Variants in CSMD2 observed in about 807,000 individuals in gnomAD.
The protein encoded by CSMD2 is CUB and sushi domain-containing protein 2.
Under a neutral mutation model 398.5 loss-of-function variants are expected in CSMD2, and 130 were observed. The observed-to-expected ratio is 0.33, with a 90% CI of 0.28 to 0.38. CSMD2 has a LOEUF of 0.38. Ranked by LOEUF, CSMD2 falls within the 10% of genes least tolerant of loss-of-function variation. The probability of loss-of-function intolerance (pLI) is 1.00; values close to 1 mark genes in which losing one functional copy is unlikely to be tolerated. For missense variants in CSMD2, 3,829 were observed against 4,764.9 expected, an observed-to-expected ratio of 0.80 and a Z score of 5.78; for synonymous variants, 1,828 against 1,908.5, an observed-to-expected ratio of 0.96 and a Z score of 1.10.
chr1:34,003,851 G>A (rs533720665), intron 3 of CSMD2, among the ~76,000 whole-genome samples: 31 of 152,336 alleles, frequency 2.0e-4, no homozygotes, highest in African/African-American at 7.2e-4. Flanking sequence ...GATGGAAGAA[G>A]TCTTGGTCCG....
chr1:33,559,277 T>C lies in CSMD2; in HGVS notation c.8554+23A>G, dbSNP rs1173282565. On this transcript the variant is annotated intron_variant, in intron 54 of 70. Transcript: ENST00000373381. The surrounding 1 kb of genome is among the most constrained non-coding windows in gnomAD (Gnocchi z 4.0). ...TATAGCAGAGATGGTGGGGACTGGA[T>C]TGGGAGAGAAAGGGTGACTCACTTC... 1.3e-6 allele frequency: 2 copies of C among 1,532,552 alleles called. No homozygotes were observed. Among genetic ancestry groups the C allele is most frequent in the East Asian group, 4.9e-5 (2 of 40,902 alleles). The allele number at this position is 1,532,552 out of a possible 1,614,324, so 94.9% of individuals were successfully genotyped here.
At position 34,108,275 on chromosome 1, in the gene CSMD2, G is replaced by C. The variant is rs1028874082; in HGVS notation, c.188-19082C>G. Among the ~76,000 whole-genome samples the C allele has an allele frequency of 2.9e-3, 152 of 52,848 alleles. 1 individual carries two copies. The highest frequency in any genetic ancestry group is 4.8e-3 in the Admixed American group (14 of 2,900). 34.7% of individuals were successfully genotyped at this position (52,848 alleles called of 152,430 possible). On this transcript the variant is annotated intron_variant, in intron 1 of 70. Transcript: ENST00000373381. ...GAAAAAGAAAACAAAACCCTAATGA[G>C]AGAGAGAGAAAAAAAAACCCAAAAC...
chr1:34,036,511 G>A (rs1357975893), intron 2 of CSMD2, among the ~76,000 whole-genome samples: 1 of 152,168 alleles, frequency 6.6e-6, no homozygotes, highest in Non-Finnish European at 1.5e-5. Context: ...TAGAGATTAG[G>A]AATCGTAAGA....
At chr1:34,069,120 C>A (rs1655434545) in intron 2 of CSMD2, among the ~76,000 whole-genome samples, 1 of 152,140 alleles carries the variant, frequency 6.6e-6, no homozygotes, top group Admixed American at 6.5e-5. Context: ...CATCTTGCAC[C>A]CCCCAGGGCC....
intron 2 of CSMD2, among the ~76,000 whole-genome samples, chr1:34,050,713 C>T (rs1186945014): frequency 6.6e-6 from 1 of 152,224 alleles, no homozygotes; most frequent in African/African-American, 2.4e-5. Context: ...AGTAGCTCCA[C>T]TTACTATTAC....
rs771928190 is a variant in CSMD2, at chr1:33,586,580, G to C, written c.6975C>G (p.Thr2325=). The stretch of plus-strand genomic sequence containing the variant: ...AGGTCAGAATTTCATTCCCCACTAA[G>C]GTAAAGCCAGGGAGGCATCTGTAGC... ...IVRYRCLPGF[T]LVGNEILTCK... The change falls in exon 46 of 71, where the codon ACC becomes ACG. Residue 2325 remains threonine, a synonymous_variant. Coordinates refer to ENST00000373381, the MANE Select transcript of CSMD2 (RefSeq NM_001281956.2). 6 of 1,613,680 alleles carry C rather than the reference G, an allele frequency of 3.7e-6. No homozygotes were observed. The East Asian group carries it at 1.3e-4, about 36-fold the overall frequency.
chr1:33,637,682 T>C (rs1222778150), intron 29 of CSMD2, among the ~76,000 whole-genome samples: 1 of 152,198 alleles, frequency 6.6e-6, no homozygotes, highest in Non-Finnish European at 1.5e-5. Context: ...ACCAGGGAGA[T>C]GCAACTGAGT....
chr1:33,689,049 A>T (rs1557733903), intron 25 of CSMD2, among the ~76,000 whole-genome samples: 1 of 146,386 alleles, frequency 6.8e-6, no homozygotes. Context: ...GGAGGGAAGG[A>T]GAGGAAGAGA....
At chr1:33,890,891 T>C (rs570796598) in intron 5 of CSMD2, among the ~76,000 whole-genome samples, 2 of 152,228 alleles carry the variant, frequency 1.3e-5, no homozygotes, top group Admixed American at 6.5e-5. Context: ...ATACAAAAAT[T>C]AATTCAAGAT....
At chr1:33,936,088 G>A (rs1322998501) in intron 3 of CSMD2, 134 bp from the exon 4 acceptor site, 2 of 674,430 alleles carry the variant, frequency 3.0e-6, no homozygotes, top group African/African-American at 1.8e-5. Flanking sequence ...GAACAGCATT[G>A]CCCACTGCTG....
intron 1 of CSMD2, among the ~76,000 whole-genome samples, chr1:34,095,723 C>T (rs1253654313): frequency 6.6e-6 from 1 of 151,396 alleles, no homozygotes; most frequent in Non-Finnish European, 1.5e-5. Context: ...GAAGTTGAAT[C>T]TCTGAATAGA....
chr1:34,007,930 G>C (rs1272756226), intron 3 of CSMD2, among the ~76,000 whole-genome samples: 1 of 152,082 alleles, frequency 6.6e-6, no homozygotes, highest in African/African-American at 2.4e-5. Flanking sequence ...GTAAAAGCAA[G>C]ACATGTGGTC....
At position 33,935,715 on chromosome 1, in the gene CSMD2, C is replaced by T. The variant is rs1223512780; in HGVS notation, c.712+45G>A. On this transcript the variant is annotated intron_variant, in intron 4 of 70. Transcript: ENST00000373381. ...GTCACTGGAAGCTCCAGCATCACCT[C>T]CCAGCCACTGCCCCACTCTGTCAGA... The T allele has an allele frequency of 1.9e-6, 3 of 1,538,956 alleles. No homozygotes were observed. In the East Asian group the frequency reaches 6.8e-5, roughly 35 times the overall value.
At chr1:33,772,374 C>T in intron 13 of CSMD2, 195 bp downstream of exon 13, 1 of 543,116 alleles carries the variant, frequency 1.8e-6, no homozygotes, top group Non-Finnish European at 3.3e-6. Context: ...CACTTGTTCT[C>T]AGTGCTACAG....
chr1:34,133,035 A>G (rs77297182), intron 1 of CSMD2, among the ~76,000 whole-genome samples: 1 of 151,170 alleles, frequency 6.6e-6, no homozygotes, highest in Admixed American at 6.6e-5. Flanking sequence ...TAATTCATTC[A>G]ATCACCAAAC....
chr1:33,601,193 T>C (rs1017713342), intron 43 of CSMD2, among the ~76,000 whole-genome samples, 183 bp from the exon 44 acceptor site: 7 of 148,726 alleles, frequency 4.7e-5, no homozygotes, highest in African/African-American at 1.6e-4. Context: ...TCTCCCAACA[T>C]AGTTGATAGA....
intron 5 of CSMD2, chr1:33,885,153 A>C (rs1334094994): frequency 2.0e-5 from 3 of 152,268 alleles, no homozygotes; most frequent in African/African-American, 7.2e-5. Flanking sequence ...CAAAGGTCAC[A>C]CAGCAGTGTA....
intron 32 of CSMD2, among the ~76,000 whole-genome samples, chr1:33,627,913 T>C (rs927511546): frequency 5.9e-5 from 9 of 152,210 alleles, no homozygotes; most frequent in Non-Finnish European, 1.2e-4. Flanking sequence ...ACTGCAGCCC[T>C]GAAGGCACAC....
chr1:33,521,498 C>A lies in CSMD2; in HGVS notation c.10562G>T (p.Gly3521Val), dbSNP rs368867925. 1.9e-5 allele frequency: 30 copies of A among 1,611,544 alleles called. No individual in the cohort carries two copies. The African/African-American group carries it at 3.9e-4, about 21-fold the overall frequency. The change falls in exon 68 of 71, where the codon GGC (glycine) becomes GTC (valine). Residue 3521 changes from glycine (G) to valine (V), a missense_variant. Physicochemically the swap from Gly to Val is moderately radical, Grantham distance 109. This residue lies in a region of CSMD2 where 917 missense variants were observed against 1,199.5 expected (regional missense o/e 0.76). Transcript: ENST00000373381. ...ATFIYQGSVK[G>V]QGFGQFGFQR... ...AAAGCCGAACTGCCCAAAGCCTTGG[C>A]CCTTGACAGAGCCTTGGTAGATGAA...
Sources: allele counts gnomAD v4.1 joint callset (sites outside exome capture counted in the v4.1 genomes callset), GRCh38; gene constraint gnomAD v4.1.1; regional missense constraint gnomAD v4.1.1; non-coding constraint Gnocchi (gnomAD v3.1); transcripts MANE v1.5; gene names NCBI Gene and HGNC (gene_info 2026-07-23, HGNC 2026-07-21).